The following EXOC4 variants were observed in gnomAD, a reference collection of about 807,000 sequenced individuals.
EXOC4 encodes the protein exocyst complex component 4, also known as SEC8-like 1.
Under a neutral mutation model 107.2 loss-of-function variants are expected in EXOC4, and 71 were observed. The observed-to-expected ratio is 0.66, with a 90% CI of 0.55 to 0.81. The LOEUF is 0.81. Ranked by LOEUF, EXOC4 falls within the 30% of genes least tolerant of loss-of-function variation. The probability of loss-of-function intolerance (pLI) is 0.00; values close to 1 mark genes in which losing one functional copy is unlikely to be tolerated. For missense variants in EXOC4, 1,108 were observed against 1,189.6 expected, an observed-to-expected ratio of 0.93 and a Z score of 1.01; for synonymous variants, 456 against 441.2, an observed-to-expected ratio of 1.03 and a Z score of -0.42.
intron 7 of EXOC4, among the ~76,000 whole-genome samples, chr7:133,445,664 G>A (rs935309863): frequency 6.6e-6 from 1 of 151,176 alleles, no homozygotes; most frequent in Non-Finnish European, 1.5e-5. Flanking sequence ...ACCTCTCCTG[G>A]TAATTCTAAT....
At chr7:133,844,310 T>C (rs988524901) in intron 11 of EXOC4, among the ~76,000 whole-genome samples, 2 of 147,278 alleles carry the variant, frequency 1.4e-5, no homozygotes, top group African/African-American at 4.9e-5. Context: ...AATGACTACC[T>C]CAAACTATTT....
intron 15 of EXOC4, among the ~76,000 whole-genome samples, chr7:134,003,154 G>A (rs1794568613): frequency 6.6e-6 from 1 of 152,122 alleles, no homozygotes; most frequent in Admixed American, 6.5e-5. Context: ...GAACAACATG[G>A]GTGAATATCA....
chr7:133,275,168 G>A lies in EXOC4; in HGVS notation c.273G>A (p.Lys91=), dbSNP rs1274731372. ...TCACTAACTCCCGAAATAAAATAAA[G>A]CAGGTATTCCTCCTTTCTGGTCTGA... ...ERITNSRNKI[K]QVKENLLSCK... is the part of the protein sequence containing the mutation. The change falls in exon 2 of 18, where the codon AAG becomes AAA. Residue 91 remains lysine, a synonymous_variant. Coordinates refer to ENST00000253861, the MANE Select transcript of EXOC4 (RefSeq NM_021807.4). 1 of 1,594,144 alleles carries A rather than the reference G, an allele frequency of 6.3e-7. No individual in the cohort carries two copies. The highest frequency in any genetic ancestry group is 2.2e-5 in the East Asian group (1 of 44,674).
chr7:133,846,144 A>C (rs1459549010), intron 11 of EXOC4, among the ~76,000 whole-genome samples: 1 of 152,206 alleles, frequency 6.6e-6, no homozygotes, highest in Non-Finnish European at 1.5e-5. Context: ...AGTGAAAGGA[A>C]ATTTGAGAAA....
chr7:133,687,305 A>G (rs1350594909), intron 10 of EXOC4, among the ~76,000 whole-genome samples: 1 of 152,054 alleles, frequency 6.6e-6, no homozygotes, highest in Non-Finnish European at 1.5e-5. Context: ...GGTTTAGTGT[A>G]TACTACTCAG....
intron 9 of EXOC4, among the ~76,000 whole-genome samples, chr7:133,547,259 C>G (rs1800499712): frequency 1.3e-5 from 2 of 152,082 alleles, no homozygotes; most frequent in African/African-American, 4.8e-5. Context: ...AGCATTACGT[C>G]TGAAAAACAA....
chr7:133,791,938 T>C (rs1317671393), intron 10 of EXOC4, among the ~76,000 whole-genome samples: 1 of 152,206 alleles, frequency 6.6e-6, no homozygotes, highest in East Asian at 1.9e-4. Flanking sequence ...GTCTAAAGGG[T>C]GTGGAAACAT....
intron 10 of EXOC4, among the ~76,000 whole-genome samples, chr7:133,630,427 T>A (rs1216740045): frequency 6.6e-6 from 1 of 152,070 alleles, no homozygotes; most frequent in African/African-American, 2.4e-5. Context: ...CCTCTCTCTG[T>A]TTTATCTATC....
At chr7:133,734,886 A>ATTGTTAAATATT (rs1795404981) in intron 10 of EXOC4, among the ~76,000 whole-genome samples, 1 of 151,688 alleles carries the variant, frequency 6.6e-6, no homozygotes. Flanking sequence ...GAGATTTAAC[A>ATTGTTAAATATT]AGTCATGACT....
intron 4 of EXOC4, among the ~76,000 whole-genome samples, chr7:133,315,708 T>G (rs1414545600): frequency 6.6e-6 from 1 of 152,220 alleles, no homozygotes; most frequent in Non-Finnish European, 1.5e-5. Flanking sequence ...CAGGTTTACA[T>G]TGGTAGAAAA....
At chr7:133,823,740 C>T (rs546169877) in intron 11 of EXOC4, among the ~76,000 whole-genome samples, 24 of 144,558 alleles carry the variant, frequency 1.7e-4, no homozygotes, top group Admixed American at 5.0e-4. Flanking sequence ...GGCTTGAACC[C>T]GGGAGCTGGA....
chr7:133,787,955 T>TTTTATATATATA lies in EXOC4; in HGVS notation c.1515-29369_1515-29368insTTATATATATAT, dbSNP rs774395151. ...AGATACTTCTTCCCTGTGCATATAT[T>TTTTATATATATA]TATATATTTATATATATATATATAT... On this transcript the variant is annotated intron_variant, in intron 10 of 17. Coordinates refer to ENST00000253861, the MANE Select transcript of EXOC4 (RefSeq NM_021807.4). Among the ~76,000 whole-genome samples, 135 of 31,630 alleles carry TTTTATATATATA rather than the reference T, an allele frequency of 4.3e-3. 40 individuals carry two copies. The highest frequency in any genetic ancestry group is 6.1e-3 in the Non-Finnish European group (100 of 16,290). The allele number at this position is 31,630 out of a possible 152,430, so 20.8% of individuals were successfully genotyped here. A position where few individuals can be genotyped will look rare whatever the true frequency, so the allele number is the denominator to read the frequency against.
At chr7:133,593,168 A>G (rs1210230445) in intron 9 of EXOC4, among the ~76,000 whole-genome samples, 1 of 152,252 alleles carries the variant, frequency 6.6e-6, no homozygotes, top group Non-Finnish European at 1.5e-5. Flanking sequence ...TGGTATGAAC[A>G]GTTGTCAATT....
At chr7:133,762,288 A>G (rs371674603) in intron 10 of EXOC4, among the ~76,000 whole-genome samples, 1 of 152,190 alleles carries the variant, frequency 6.6e-6, no homozygotes, top group Admixed American at 6.6e-5. Flanking sequence ...CAAAAGGGCA[A>G]GTTCATATAG....
chr7:133,728,324 A>T (rs947074859), intron 10 of EXOC4, among the ~76,000 whole-genome samples: 2 of 152,284 alleles, frequency 1.3e-5, no homozygotes, highest in East Asian at 3.9e-4. Flanking sequence ...TCTTGAAAGG[A>T]TTATTTCTGT....
chr7:133,698,574 C>CAAA (rs71892513), intron 10 of EXOC4, among the ~76,000 whole-genome samples: 12,892 of 143,324 alleles, frequency 0.09, 815 homozygotes, highest in Middle Eastern at 0.18. Flanking sequence ...AGAGTGGTGT[C>CAAA]AAAAAAAAAA....
intron 2 of EXOC4, among the ~76,000 whole-genome samples, chr7:133,284,254 C>G (rs1794224628): frequency 2.0e-5 from 3 of 152,184 alleles, no homozygotes; most frequent in African/African-American, 7.2e-5. Context: ...TTTACTGACA[C>G]CCTGTAAGTT....
intron 5 of EXOC4, among the ~76,000 whole-genome samples, chr7:133,338,623 A>AAAAT (rs1491383032): frequency 2.1e-5 from 2 of 96,434 alleles, no homozygotes; most frequent in African/African-American, 7.9e-5. Context: ...AAAAAAAAAA[A>AAAAT]TTTTTATTTC....
chr7:133,667,452 G>A (rs1187234949), intron 10 of EXOC4, among the ~76,000 whole-genome samples: 1 of 152,136 alleles, frequency 6.6e-6, no homozygotes, highest in African/African-American at 2.4e-5. Flanking sequence ...GGAAATTGAG[G>A]GACTGAGAAT....
Sources: gnomAD v4.1 joint callset for allele counts (sites outside exome capture counted in the v4.1 genomes callset) on GRCh38, gnomAD v4.1.1 for gene constraint, MANE v1.5 for transcripts, NCBI Gene and HGNC (gene_info 2026-07-23, HGNC 2026-07-21) for gene names.